Variants in DOK6 observed in about 807,000 individuals in gnomAD.
DOK6 encodes downstream of tyrosine kinase 6.
Under a neutral mutation model 44.0 loss-of-function variants are expected in DOK6, and 22 were observed. The observed-to-expected ratio is 0.50, with a 90% CI of 0.36 to 0.71. The LOEUF is 0.71. Among genes scored for constraint, DOK6 ranks in the 30% least tolerant of loss-of-function variants. The pLI, the probability that DOK6 is intolerant of heterozygous loss-of-function variation, is 0.00. For missense variants in DOK6, 340 were observed against 416.4 expected, an observed-to-expected ratio of 0.82 and a Z score of 1.60; for synonymous variants, 166 against 145.5, an observed-to-expected ratio of 1.14 and a Z score of -1.01.
intron 6 of DOK6, among the ~76,000 whole-genome samples, chr18:69,739,939 T>G (rs1978744762): frequency 6.6e-6 from 1 of 152,222 alleles, no homozygotes. Context: ...AGTTTTTATC[T>G]CTAAAATTCT....
At chr18:69,816,640 C>T (rs530008387) in intron 7 of DOK6, among the ~76,000 whole-genome samples, 1 of 152,202 alleles carries the variant, frequency 6.6e-6, no homozygotes, top group Admixed American at 6.5e-5. Context: ...ATTATTATCC[C>T]CTGTTTTAAA....
intron 5 of DOK6, among the ~76,000 whole-genome samples, chr18:69,712,347 A>G (rs952275897): frequency 6.9e-6 from 1 of 145,194 alleles, no homozygotes; most frequent in Non-Finnish European, 1.5e-5. Flanking sequence ...TCCGAATCAC[A>G]TTTGTGTAGA....
At chr18:69,539,815 G>T (rs1982220965) in intron 1 of DOK6, among the ~76,000 whole-genome samples, 1 of 152,040 alleles carries the variant, frequency 6.6e-6, no homozygotes, top group Admixed American at 6.6e-5. Flanking sequence ...TCACATGTAT[G>T]CAATTTTGAT....
chr18:69,503,394 G>A (rs1190222729), intron 1 of DOK6, among the ~76,000 whole-genome samples: 1 of 152,050 alleles, frequency 6.6e-6, no homozygotes, highest in Non-Finnish European at 1.5e-5. Flanking sequence ...CACTGCTACT[G>A]TGAAAGTGTA....
At chr18:69,465,027 G>A (rs1483945670) in intron 1 of DOK6, among the ~76,000 whole-genome samples, 1 of 152,088 alleles carries the variant, frequency 6.6e-6, no homozygotes, top group East Asian at 1.9e-4. Context: ...AAAGAAGTTA[G>A]ACCTTTGTTC....
intron 1 of DOK6, among the ~76,000 whole-genome samples, chr18:69,531,787 T>G (rs1191076128): frequency 6.6e-6 from 1 of 152,186 alleles, no homozygotes; most frequent in East Asian, 1.9e-4. Flanking sequence ...AACATTTAGA[T>G]ATTCCTTTTT....
At chr18:69,503,748 C>A (rs1005615864) in intron 1 of DOK6, among the ~76,000 whole-genome samples, 2 of 151,640 alleles carry the variant, frequency 1.3e-5, no homozygotes, top group Non-Finnish European at 2.9e-5. Context: ...ATTCCAGTTA[C>A]AAAAATAATT....
rs1220965347 is a variant in DOK6, at chr18:69,847,514, A to T, written c.*6131A>T. ...AGAAGGAAACTGAGATAATGATTTA[A>T]TTTTTTTAAGTCACTGCAGGATTTC... On this transcript the variant is annotated 3_prime_UTR_variant, in exon 8 of 8. Transcript: ENST00000382713. 1 of 152,158 alleles carries T rather than the reference A, an allele frequency of 6.6e-6. No homozygotes were observed. Among genetic ancestry groups the T allele is most frequent in the Non-Finnish European group, 1.5e-5 (1 of 68,020 alleles). The allele number at this position is 152,158 out of a possible 1,614,324, so 9.4% of individuals were successfully genotyped here. A position where few individuals can be genotyped will look rare whatever the true frequency, so the allele number is the denominator to read the frequency against.
chr18:69,576,001 A>C (rs1156550188), intron 2 of DOK6, among the ~76,000 whole-genome samples: 1 of 152,110 alleles, frequency 6.6e-6, no homozygotes, highest in Admixed American at 6.6e-5. Flanking sequence ...TTGCTCTTAC[A>C]AAATCATGGA....
chr18:69,409,632 A>G (rs889951886), intron 1 of DOK6, among the ~76,000 whole-genome samples: 7 of 152,202 alleles, frequency 4.6e-5, no homozygotes, highest in Non-Finnish European at 7.3e-5. Context: ...TTAATTCTAT[A>G]AACCATTTTA....
At chr18:69,472,739 GACACAC>G (rs199645311) in intron 1 of DOK6, among the ~76,000 whole-genome samples, 1 of 151,038 alleles carries the variant, frequency 6.6e-6, no homozygotes, top group East Asian at 1.9e-4. Context: ...CGCACAGATA[GACACAC>G]ACACACACAC....
chr18:69,408,570 T>C (rs568521639), intron 1 of DOK6, among the ~76,000 whole-genome samples: 80 of 152,350 alleles, frequency 5.3e-4, no homozygotes, highest in African/African-American at 1.9e-3. Flanking sequence ...GATATTTTAT[T>C]TAACCTGGCT....
intron 1 of DOK6, among the ~76,000 whole-genome samples, chr18:69,501,756 A>AT (rs1981055766): frequency 6.6e-6 from 1 of 152,178 alleles, no homozygotes. Context: ...GTAATGATTC[A>AT]TTTTTTAAAT....
At chr18:69,669,245 C>T (rs1022793555) in intron 3 of DOK6, among the ~76,000 whole-genome samples, 3 of 152,120 alleles carry the variant, frequency 2.0e-5, no homozygotes, top group Non-Finnish European at 4.4e-5. Flanking sequence ...TGATCCTCTC[C>T]CTCCTCCCAC....
intron 1 of DOK6, among the ~76,000 whole-genome samples, chr18:69,416,706 CT>C (rs1978350024): frequency 6.6e-6 from 1 of 152,096 alleles, no homozygotes; most frequent in South Asian, 2.1e-4. Context: ...TGTCTCTGAG[CT>C]GATGGAGTTA....
intron 1 of DOK6, among the ~76,000 whole-genome samples, chr18:69,512,461 A>G (rs1981400382): frequency 6.7e-6 from 1 of 149,654 alleles, no homozygotes. Flanking sequence ...CTCCTACCTC[A>G]GCCTCCTGAA....
In DOK6 at chr18:69,401,156, A is replaced by G. The variant is rs1916087667; in HGVS notation, c.-89A>G. The G allele has an allele frequency of 7.6e-7, 1 of 1,318,158 alleles. No individual in the cohort carries two copies. Among genetic ancestry groups the G allele is most frequent in the Non-Finnish European group, 9.8e-7 (1 of 1,015,486 alleles). The allele number at this position is 1,318,158 out of a possible 1,614,324, so 81.7% of individuals were successfully genotyped here. On this transcript the variant is annotated 5_prime_UTR_variant, in exon 1 of 8. The change abolishes an upstream ATG in the 5' untranslated region. Coordinates refer to ENST00000382713, the MANE Select transcript of DOK6 (RefSeq NM_152721.6). Reference sequence around the variant, plus strand: ...GCTGCTGCTGGCGGCGGCCGGCTGGATGCGAGACCCGCGCAGACCCGGCGG... The same window carrying G: ...GCTGCTGCTGGCGGCGGCCGGCTGGGTGCGAGACCCGCGCAGACCCGGCGG...
chr18:69,820,222 C>T (rs1426634553), intron 7 of DOK6, among the ~76,000 whole-genome samples: 1 of 152,190 alleles, frequency 6.6e-6, no homozygotes, highest in Non-Finnish European at 1.5e-5. Context: ...TTACCACTAC[C>T]TAGTATCCTA....
intron 3 of DOK6, among the ~76,000 whole-genome samples, chr18:69,623,904 AG>A (rs1984498791): frequency 6.6e-6 from 1 of 152,176 alleles, no homozygotes; most frequent in East Asian, 1.9e-4. Context: ...CATACATTTC[AG>A]CTTTCATGTT....
Sources: allele counts gnomAD v4.1 joint callset (sites outside exome capture counted in the v4.1 genomes callset), GRCh38; gene constraint gnomAD v4.1.1; transcripts MANE v1.5; gene names NCBI Gene and HGNC (gene_info 2026-07-23, HGNC 2026-07-21).